Variants in LEO1 observed in about 807,000 individuals in gnomAD.
LEO1 encodes LEO1 component of Paf1/RNA polymerase II complex.
A neutral mutation model predicts 80.4 loss-of-function variants in LEO1; 34 were observed. The observed-to-expected ratio is 0.42, with a 90% CI of 0.32 to 0.56. The LOEUF (loss-of-function observed/expected upper bound fraction) is 0.56. Ranked by LOEUF, LEO1 falls within the 20% of genes least tolerant of loss-of-function variation. The pLI, the probability that LEO1 is intolerant of heterozygous loss-of-function variation, is 0.10. For synonymous variants in LEO1, 262 were observed against 274.9 expected, an observed-to-expected ratio of 0.95 and a Z score of 0.46; for missense variants, 631 against 814.2, an observed-to-expected ratio of 0.77 and a Z score of 2.74.
At position 51,938,077 on chromosome 15, in the gene LEO1, C is replaced by A; in HGVS notation, c.*79G>T. On this transcript the variant is annotated 3_prime_UTR_variant, in exon 12 of 12. Transcript: ENST00000299601. ...AAAATTACACAAAAGCAAATCGATT[C>A]ATTTCAATCAAAATAACTCATGTTT... 1.5e-6 allele frequency: 1 copy of A among 684,782 alleles called. No individual in the cohort carries two copies. Among genetic ancestry groups the A allele is most frequent in the Admixed American group, 3.0e-5 (1 of 32,918 alleles). The allele number at this position is 684,782 out of a possible 1,614,324, so 42.4% of individuals were successfully genotyped here.
chr15:51,966,208 C>T lies in LEO1; in HGVS notation c.355G>A (p.Glu119Lys), dbSNP rs753275094. The stretch of plus-strand genomic sequence containing the variant: ...CTCCCTCCATCCGATCTATGACCTT[C>T]GTCTTCATCATCATTAGGGGCTTCT... Reference protein sequence around the residue: ...GSEAPNDDEDEGHRSDGGSHH... With the variant: ...GSEAPNDDEDKGHRSDGGSHH... The change falls in exon 2 of 12, where the codon GAA becomes AAA. Residue 119 changes from glutamate (E) to lysine (K), a missense_variant. Physicochemically the swap from Glu to Lys is moderately conservative, Grantham distance 56 (BLOSUM62 1). Around this residue, in one of 4 missense-constraint regions of LEO1, gnomAD observed 394 missense variants for 395.6 expected, o/e 1.00. Transcript: ENST00000299601. 1.9e-6 allele frequency: 3 copies of T among 1,613,842 alleles called. No individual in the cohort carries two copies. Among genetic ancestry groups the T allele is most frequent in the African/African-American group, 1.3e-5 (1 of 74,934 alleles).
intron 11 of LEO1, among the ~76,000 whole-genome samples, chr15:51,943,983 C>T (rs914138668): frequency 7.2e-5 from 11 of 152,072 alleles, no homozygotes; most frequent in African/African-American, 2.7e-4. Flanking sequence ...CACCACTAAA[C>T]ACACCAACAT....
chr15:51,968,182 C>A (rs1460408496), intron 1 of LEO1, among the ~76,000 whole-genome samples: 1 of 151,994 alleles, frequency 6.6e-6, no homozygotes, highest in Non-Finnish European at 1.5e-5. Context: ...GACTCCATCT[C>A]AAATAAATAA....
At position 51,959,954 on chromosome 15, in the gene LEO1, A is replaced by G; in HGVS notation, c.1105T>C (p.Leu369=). The G allele has an allele frequency of 6.2e-7, 1 of 1,613,264 alleles. No homozygotes were observed. Among genetic ancestry groups the G allele is most frequent in the Non-Finnish European group, 8.5e-7 (1 of 1,179,572 alleles). The part of the protein sequence containing the change: ...EVEIPKVNTD[L]GNDLYFVKLP... ...TTAACAAAATATAAGTCGTTTCCTA[A>G]ATCAGTGTTTACTTTGGGTATTTCT... The change falls in exon 5 of 12, where the codon TTA becomes CTA. Residue 369 remains leucine, a synonymous_variant. Transcript: ENST00000299601.
In LEO1 at chr15:51,938,099, G is replaced by A; in HGVS notation, c.*57C>T. Reference sequence around the variant, plus strand: ...ATTCATTTCAATCAAAATAACTCATGTTTACATATTTATAACTGTACAATA... The same window carrying A: ...ATTCATTTCAATCAAAATAACTCATATTTACATATTTATAACTGTACAATA... On this transcript the variant is annotated 3_prime_UTR_variant, in exon 12 of 12. Transcript: ENST00000299601. The A allele has an allele frequency of 1.2e-6, 1 of 829,788 alleles. No homozygotes were observed. The highest frequency in any genetic ancestry group is 1.9e-6 in the Non-Finnish European group (1 of 529,886). The allele number at this position is 829,788 out of a possible 1,614,324, so 51.4% of individuals were successfully genotyped here.
At position 51,952,030 on chromosome 15, in the gene LEO1, G is replaced by A. The variant is rs767548270; in HGVS notation, c.1476-51C>T. 7 of 1,540,088 alleles carry A rather than the reference G, an allele frequency of 4.5e-6. No homozygotes were observed. In the South Asian group the frequency reaches 7.1e-5, roughly 16 times the overall value. The stretch of plus-strand genomic sequence containing the variant: ...ATCACTGTTTACCAAATACATTTGT[G>A]AGCCAGTGATACCCACGTCACAGAA... On this transcript the variant is annotated intron_variant, in intron 8 of 11. Transcript: ENST00000299601.
chr15:51,965,247 G>A (rs1458034751), intron 2 of LEO1, among the ~76,000 whole-genome samples: 1 of 152,158 alleles, frequency 6.6e-6, no homozygotes, highest in East Asian at 1.9e-4. Context: ...AATTTGACTA[G>A]TTTGAGTAAA....
intron 1 of LEO1, among the ~76,000 whole-genome samples, chr15:51,966,882 G>T (rs2057082237): frequency 6.6e-6 from 1 of 151,834 alleles, no homozygotes; most frequent in Non-Finnish European, 1.5e-5. Context: ...CTGCACTCCA[G>T]CCTGGGCGAC....
At chr15:51,967,968 G>C (rs915287185) in intron 1 of LEO1, among the ~76,000 whole-genome samples, 6 of 152,140 alleles carry the variant, frequency 3.9e-5, no homozygotes, top group Non-Finnish European at 8.8e-5. Flanking sequence ...TGGATCACCT[G>C]AGGTCAGGAG....
Position 51,938,190 on chromosome 15 carries a change from A to C in LEO1, c.1967T>G (p.Val656Gly). The change falls in exon 12 of 12, where the codon GTG (valine) becomes GGG (glycine). Residue 656 changes from valine to glycine, a missense_variant. Physicochemically the swap from Val to Gly is moderately radical, Grantham distance 109. Coordinates refer to ENST00000299601, the MANE Select transcript of LEO1 (RefSeq NM_138792.4). ...DKANKKHKKY[V>G]ISDEEEEDDD ...ATCTTCTTCCTCTTCATCGCTGATC[A>C]CATACTTCTTATGCTTTTTATTTGC... 6.2e-7 allele frequency: 1 copy of C among 1,607,574 alleles called. No individual in the cohort carries two copies. The highest frequency in any genetic ancestry group is 8.5e-7 in the Non-Finnish European group (1 of 1,175,334).
intron 6 of LEO1, among the ~76,000 whole-genome samples, chr15:51,956,684 G>A (rs1042154979): frequency 2.0e-5 from 3 of 152,078 alleles, no homozygotes; most frequent in African/African-American, 7.2e-5. Flanking sequence ...ACTGGTCAGC[G>A]TAGTCTTAAA....
intron 6 of LEO1, among the ~76,000 whole-genome samples, chr15:51,955,592 G>T (rs921324081): frequency 3.3e-5 from 5 of 152,196 alleles, no homozygotes; most frequent in Non-Finnish European, 7.3e-5. Flanking sequence ...AGTAAAAACA[G>T]GACATACAAG....
In LEO1 at chr15:51,944,723, A is replaced by G. The variant is rs2056884585; in HGVS notation, c.1896+2569T>C. On this transcript the variant is annotated intron_variant, in intron 11 of 11. Coordinates refer to ENST00000299601, the MANE Select transcript of LEO1 (RefSeq NM_138792.4). Reference sequence around the variant, plus strand: ...TTCCAATTTCATCACATTTTGAAATAGTAATGATATCTTCATAATATAAAT... The same window carrying G: ...TTCCAATTTCATCACATTTTGAAATGGTAATGATATCTTCATAATATAAAT... Among the ~76,000 whole-genome samples, 5 of 151,752 alleles carry G rather than the reference A, an allele frequency of 3.3e-5. No individual in the cohort carries two copies. The South Asian group carries it at 6.3e-4, about 19-fold the overall frequency.
intron 2 of LEO1, among the ~76,000 whole-genome samples, chr15:51,963,864 T>C (rs1796330314): frequency 7.6e-6 from 1 of 131,096 alleles, no homozygotes; most frequent in South Asian, 2.4e-4. Context: ...ATGGTGCCAC[T>C]GCACTCCAGC....
intron 1 of LEO1, among the ~76,000 whole-genome samples, chr15:51,966,782 A>T (rs1431394455): frequency 6.6e-6 from 1 of 151,978 alleles, no homozygotes; most frequent in Non-Finnish European, 1.5e-5. Context: ...ATGGTTGCAC[A>T]TGCCTGTAAT....
rs920950194 is a variant in LEO1 at position 51,949,758 on chromosome 15, G to A, written c.1798+50C>T. The A allele has an allele frequency of 5.0e-6, 7 of 1,408,722 alleles. No individual in the cohort carries two copies. The African/African-American group carries it at 5.7e-5, about 12-fold the overall frequency. The allele number at this position is 1,408,722 out of a possible 1,614,324, so 87.3% of individuals were successfully genotyped here. A position where few individuals can be genotyped will look rare whatever the true frequency, so the allele number is the denominator to read the frequency against. On this transcript the variant is annotated intron_variant, in intron 10 of 11. Coordinates refer to ENST00000299601, the MANE Select transcript of LEO1 (RefSeq NM_138792.4). Reference sequence around the variant, plus strand: ...GCCGGATTACATCTAATGCCAAGATGAAGTCCAGAATCCCGAAATGATGAA... The same window carrying A: ...GCCGGATTACATCTAATGCCAAGATAAAGTCCAGAATCCCGAAATGATGAA...
chr15:51,960,185 C>T, intron 4 of LEO1, 141 bp from the exon 5 acceptor site: 3 of 599,502 alleles, frequency 5.0e-6, no homozygotes, highest in Non-Finnish European at 8.4e-6. Flanking sequence ...GTCCCCATCC[C>T]AACCCACCTA....
intron 2 of LEO1, among the ~76,000 whole-genome samples, chr15:51,962,815 T>C (rs2057041969): frequency 6.6e-6 from 1 of 152,030 alleles, no homozygotes; most frequent in African/African-American, 2.4e-5. Flanking sequence ...TCAAAAGGGA[T>C]AGCATAAGGG....
intron 6 of LEO1, among the ~76,000 whole-genome samples, chr15:51,955,629 CAACA>C (rs2056983187): frequency 6.6e-6 from 1 of 152,204 alleles, no homozygotes. Context: ...ATGAAGCTGG[CAACA>C]GACAGAAGCC....
Sources: allele counts gnomAD v4.1 joint callset (sites outside exome capture counted in the v4.1 genomes callset), GRCh38; gene constraint gnomAD v4.1.1; regional missense constraint gnomAD v4.1.1; transcripts MANE v1.5; gene names NCBI Gene and HGNC (gene_info 2026-07-23, HGNC 2026-07-21).